PCDHGB5: variants seen among roughly 807,000 people sequenced by gnomAD.
PCDHGB5 encodes protocadherin gamma-B5.
PCDHGB5 carries 48 observed loss-of-function variants against 62.9 expected under a neutral mutation model. That is an observed-to-expected ratio of 0.76 (90% CI 0.61 to 0.97). The LOEUF (loss-of-function observed/expected upper bound fraction) is 0.97. PCDHGB5 is among the 50% of genes least tolerant of loss of function. The probability of loss-of-function intolerance (pLI) is 0.00; values close to 1 mark genes in which losing one functional copy is unlikely to be tolerated. For missense variants in PCDHGB5, 1,118 were observed against 1,198.6 expected, an observed-to-expected ratio of 0.93 and a Z score of 0.99; for synonymous variants, 474 against 511.2, an observed-to-expected ratio of 0.93 and a Z score of 0.98.
chr5:141,469,476 G>A (rs2154570344), intron 1 of PCDHGB5, among the ~76,000 whole-genome samples: 1 of 152,246 alleles, frequency 6.6e-6, no homozygotes, highest in South Asian at 2.1e-4. Context: ...TCGGGAGGCT[G>A]AGGCAGGAGA....
In PCDHGB5 at chr5:141,398,496, C is replaced by G. The variant is rs1435117425; in HGVS notation, c.369C>G (p.Ile123Met). ...PLNFYHVNVE[I>M]EDINDHTPKF... ...ACTTTTATCACGTGAATGTGGAGAT[C>G]GAGGACATTAATGACCACACGCCAA... Residue 123 changes from isoleucine to methionine, a missense_variant, in exon 1 of 4, where the codon ATC becomes ATG. Transcript: ENST00000617380. 1.2e-6 allele frequency: 2 copies of G among 1,608,668 alleles called. No homozygotes were observed. Among genetic ancestry groups the G allele is most frequent in the Admixed American group, 1.7e-5 (1 of 59,758 alleles).
chr5:141,422,040 C>A, intron 1 of PCDHGB5: 1 of 1,611,442 alleles, frequency 6.2e-7, no homozygotes, highest in Non-Finnish European at 8.5e-7. Context: ...CGGATCCAGA[C>A]GAGGGAATCA....
chr5:141,438,955 C>T (rs965336489), intron 1 of PCDHGB5, among the ~76,000 whole-genome samples: 3 of 151,926 alleles, frequency 2.0e-5, no homozygotes, highest in Non-Finnish European at 4.4e-5. Flanking sequence ...CATGAGCCAC[C>T]GCACCCTGCC....
chr5:141,446,398 G>A (rs1379233102), intron 1 of PCDHGB5, among the ~76,000 whole-genome samples: 2 of 152,128 alleles, frequency 1.3e-5, no homozygotes, highest in African/African-American at 2.4e-5. Context: ...AAGAGAAATC[G>A]AGTTGAGTTC....
chr5:141,478,199 C>T lies in PCDHGB5; in HGVS notation c.2398-16608C>T, dbSNP rs759439765. 3.7e-6 allele frequency: 6 copies of T among 1,614,056 alleles called. No homozygotes were observed. The Middle Eastern group carries it at 6.6e-4, about 178-fold the overall frequency. On this transcript the variant is annotated intron_variant, in intron 1 of 3. Coordinates refer to ENST00000617380, the MANE Select transcript of PCDHGB5 (RefSeq NM_018925.3). ...GAAAAAAAATCTCACCTTTTATCTA[C>T]TTCTTTCTCTAATCCTGGTTTCTGT...
chr5:141,471,204 C>T (rs1349368582), intron 1 of PCDHGB5: 2 of 151,866 alleles, frequency 1.3e-5, no homozygotes, highest in African/African-American at 4.8e-5. Flanking sequence ...CACCCACCCC[C>T]ATGCCTGGCA....
At chr5:141,403,749 C>A in intron 1 of PCDHGB5, 1 of 1,613,652 alleles carries the variant, frequency 6.2e-7, no homozygotes, top group African/African-American at 1.3e-5. Context: ...ACTGCAACAG[C>A]CAGCGACCTG....
Position 141,399,103 on chromosome 5 carries a change from C to T in PCDHGB5, c.976C>T (p.Gln326Ter), listed in dbSNP as rs376000100. 1.5e-5 allele frequency: 25 copies of T among 1,613,604 alleles called. No individual in the cohort carries two copies. The highest frequency in any genetic ancestry group is 6.7e-5 in the East Asian group (3 of 44,896). The change falls in exon 1 of 4, where the codon CAA becomes TAA. Residue 326 changes from glutamine (Q) to a stop codon, truncating the protein, a stop_gained. Transcript: ENST00000617380. LOFTEE classifies it high-confidence loss of function. ...GAGGGATGGTGGTGGACTGGTTGCA[C>T]AATGTACAGTTGAAATTAATATTCA... ...EGRDGGGLVA[Q>*]CTVEINIQDE...
At chr5:141,405,596 A>T (rs1024672340) in intron 1 of PCDHGB5, 2 of 578,622 alleles carry the variant, frequency 3.5e-6, no homozygotes, top group Admixed American at 6.3e-5. Flanking sequence ...AGGCCTCCCA[A>T]GTAGAATAAC....
In PCDHGB5 at chr5:141,398,317, C is replaced by G. The variant is rs1364315924; in HGVS notation, c.190C>G (p.Arg64Gly). 7.4e-7 allele frequency: 1 copy of G among 1,349,834 alleles called. No homozygotes were observed. The highest frequency in any genetic ancestry group is 1.0e-6 in the Non-Finnish European group (1 of 976,570). 83.6% of individuals were successfully genotyped at this position (1,349,834 alleles called of 1,614,324 possible). ...GTTCAGCGTCCAGGAGTTACCGACTCGAAAACTGCGCGTCAGTTCGGAGAA... is the reference window on the plus strand; with the variant it reads ...GTTCAGCGTCCAGGAGTTACCGACTGGAAAACTGCGCGTCAGTTCGGAGAA... Reference protein sequence around the residue: ...LGFSVQELPTRKLRVSSEKPY... With the variant: ...LGFSVQELPTGKLRVSSEKPY... Residue 64 changes from arginine (R) to glycine (G), a missense_variant, in exon 1 of 4, where the codon CGA becomes GGA. Arg to Gly is a moderately radical substitution (Grantham distance 125, BLOSUM62 -2). Coordinates refer to ENST00000617380, the MANE Select transcript of PCDHGB5 (RefSeq NM_018925.3).
rs1373678836 is a variant in PCDHGB5, at chr5:141,477,459, C to T, written c.2398-17348C>T. 6.2e-7 allele frequency: 1 copy of T among 1,614,186 alleles called. No homozygotes were observed. The highest frequency in any genetic ancestry group is 8.5e-7 in the Non-Finnish European group (1 of 1,180,034). On this transcript the variant is annotated intron_variant, in intron 1 of 3. Coordinates refer to ENST00000617380, the MANE Select transcript of PCDHGB5 (RefSeq NM_018925.3). This position sits in a 1 kb window ranked among gnomAD's most constrained non-coding sequence, Gnocchi z 4.9. ...CTTACAATAGTGCGTGTTCAAGTGTCCGACATCAATGACAACCCTCCACAA... is the reference window on the plus strand; with the variant it reads ...CTTACAATAGTGCGTGTTCAAGTGTTCGACATCAATGACAACCCTCCACAA...
chr5:141,422,908 C>G, intron 1 of PCDHGB5: 1 of 1,614,244 alleles, frequency 6.2e-7, no homozygotes, highest in Non-Finnish European at 8.5e-7. Flanking sequence ...CGACAATGCG[C>G]CCGAGATCCT....
chr5:141,431,420 G>A lies in PCDHGB5; in HGVS notation c.2397+30896G>A, dbSNP rs780266425. ...TACGGCCTCCGACGGGGGCGACCCG[G>A]TGCGCACAGGCACCGCGCGCATCCG... On this transcript the variant is annotated intron_variant, in intron 1 of 3. Coordinates refer to ENST00000617380, the MANE Select transcript of PCDHGB5 (RefSeq NM_018925.3). The surrounding 1 kb of genome is among the most constrained non-coding windows in gnomAD (Gnocchi z 4.8). 5 of 1,613,592 alleles carry A rather than the reference G, an allele frequency of 3.1e-6. No homozygotes were observed. The highest frequency in any genetic ancestry group is 3.4e-6 in the Non-Finnish European group (4 of 1,180,050).
rs530963064 is a variant in PCDHGB5, at chr5:141,404,506, C to G, written c.2397+3982C>G. ...ACACTGGTGTGCTGTATGCTCTGTG[C>G]TCCTTTGACTATGAGCAGTTTAGAG... is the stretch of plus-strand genomic sequence containing the variant. On this transcript the variant is annotated intron_variant, in intron 1 of 3. Coordinates refer to ENST00000617380, the MANE Select transcript of PCDHGB5 (RefSeq NM_018925.3). The G allele has an allele frequency of 3.2e-5, 52 of 1,613,814 alleles. No individual in the cohort carries two copies. Among genetic ancestry groups the G allele is most frequent in the Non-Finnish European group, 4.3e-5 (51 of 1,179,838 alleles).
At chr5:141,419,187 C>G (rs1179461161) in intron 1 of PCDHGB5, 4 of 1,614,024 alleles carry the variant, frequency 2.5e-6, no homozygotes, top group Non-Finnish European at 2.5e-6. Context: ...CTGCACATTA[C>G]TGACGTCAAT....
In PCDHGB5 at chr5:141,399,497, TACCCGAAAACA is replaced by T; in HGVS notation, c.1375_1385del (p.Glu459SerfsTer55). 2 of 1,614,030 alleles carry T rather than the reference TACCCGAAAACA, an allele frequency of 1.2e-6. No homozygotes were observed. Among genetic ancestry groups the T allele is most frequent in the Non-Finnish European group, 1.7e-6 (2 of 1,179,900 alleles). On this transcript the variant is annotated frameshift_variant, in exon 1 of 4. Coordinates refer to ENST00000617380, the MANE Select transcript of PCDHGB5 (RefSeq NM_018925.3). LOFTEE classifies it high-confidence loss of function. Reference sequence around the variant, plus strand: ...CACCAGGCGTCCTACTTAGTCAGTGTACCCGAAAACAACCCTCCTGGGGCCTCCATCGCGCA... The same window carrying T: ...CACCAGGCGTCCTACTTAGTCAGTGTACCCTCCTGGGGCCTCCATCGCGCA...
chr5:141,497,131 A>G (rs1269110126), intron 2 of PCDHGB5, among the ~76,000 whole-genome samples: 3 of 152,122 alleles, frequency 2.0e-5, no homozygotes, highest in Admixed American at 6.6e-5. Flanking sequence ...GGTTGCAGTG[A>G]GCTGAGATCA....
Position 141,510,985 on chromosome 5 carries a change from G to A in PCDHGB5, c.2584G>A (p.Gly862Ser), listed in dbSNP as rs1278517639. Residue 862 changes from glycine to serine, a missense_variant, in exon 4 of 4, where the codon GGC becomes AGC. Transcript: ENST00000617380. ...DGSSTLGGGA[G>S]TMGLSARYGP... ...GAGCTCCACCCTGGGAGGGGGTGCCGGCACCATGGGATTGAGCGCCCGCTA... is the reference window on the plus strand; with the variant it reads ...GAGCTCCACCCTGGGAGGGGGTGCCAGCACCATGGGATTGAGCGCCCGCTA... 19 of 1,614,090 alleles carry A rather than the reference G, an allele frequency of 1.2e-5. No individual in the cohort carries two copies. The highest frequency in any genetic ancestry group is 2.2e-5 in the East Asian group (1 of 44,880).
chr5:141,475,527 C>G (rs1462406655), intron 1 of PCDHGB5, among the ~76,000 whole-genome samples: 2 of 152,172 alleles, frequency 1.3e-5, no homozygotes, highest in African/African-American at 2.4e-5. Context: ...ATGCTAAATG[C>G]CTCCTTACAA....
Sources: gnomAD v4.1 joint callset for allele counts (sites outside exome capture counted in the v4.1 genomes callset) on GRCh38, gnomAD v4.1.1 for gene constraint, Gnocchi (gnomAD v3.1) non-coding constraint, MANE v1.5 for transcripts, NCBI Gene and HGNC (gene_info 2026-07-23, HGNC 2026-07-21) for gene names.